Variants in CBX6 observed in about 807,000 individuals in gnomAD.
CBX6 encodes chromobox protein homolog 6.
In CBX6, 7 loss-of-function variants were observed where a neutral mutation model predicts 28.4. The ratio of observed to expected loss-of-function variants is 0.25; its 90% CI spans 0.14 to 0.46. The LOEUF (loss-of-function observed/expected upper bound fraction) is 0.46. Among genes scored for constraint, CBX6 ranks in the 20% least tolerant of loss-of-function variants. The pLI is 0.99. For synonymous variants in CBX6, 297 were observed against 273.4 expected (o/e 1.09, Z -0.85); for missense variants, 512 against 606.1 (o/e 0.84, Z 1.63).
chr22:38,867,860 C>T lies in CBX6; in HGVS notation c.247-659G>A, dbSNP rs545337883. ...GTGCCTGGCTCAGAGTGAACTGGTACCAATGCATCCCAAAGCCTGGGCTGG... is the reference window on the plus strand; with the variant it reads ...GTGCCTGGCTCAGAGTGAACTGGTATCAATGCATCCCAAAGCCTGGGCTGG... On this transcript the variant is annotated intron_variant, in intron 4 of 4. Transcript: ENST00000407418. Among the ~76,000 whole-genome samples, 3 of 152,374 alleles carry T rather than the reference C, an allele frequency of 2.0e-5. No homozygotes were observed. The East Asian group carries it at 5.8e-4, about 29-fold the overall frequency.
intron 4 of CBX6, 24 bp from the exon 5 acceptor site, chr22:38,867,225 T>TG: frequency 2.3e-6 from 1 of 441,606 alleles, no homozygotes; most frequent in Non-Finnish European, 4.3e-6. Context: ...GAGGGGTGGG[T>TG]GGGACCTCAG....
Position 38,866,209 on chromosome 22 carries a change from T to C in CBX6, c.1239A>G (p.Ter413TrpextTer112). Residue 413 changes from the stop codon to tryptophan (W), a stop_lost, in exon 5 of 5, where the codon TGA becomes TGG. Transcript: ENST00000407418. This position sits in a 1 kb window ranked among gnomAD's most constrained non-coding sequence, Gnocchi z 7.5. ...AGCCCCCCTCCTTGGTGGAGCCCCC[T>C]CACTTGCTCGCCCCAATGCTGCCAC... ...GGGGSIGASK[*>W] 10 of 1,573,880 alleles carry C rather than the reference T, an allele frequency of 6.4e-6. No homozygotes were observed. The highest frequency in any genetic ancestry group is 1.7e-5 in the Admixed American group (1 of 58,434).
chr22:38,867,197 C>T lies in CBX6; in HGVS notation c.251G>A (p.Arg84Gln). 3 of 1,094,920 alleles carry T rather than the reference C, an allele frequency of 2.7e-6. No individual in the cohort carries two copies. Among genetic ancestry groups the T allele is most frequent in the Non-Finnish European group, 3.7e-6 (3 of 815,438 alleles). 67.8% of individuals were successfully genotyped at this position (1,094,920 alleles called of 1,614,324 possible). The change falls in exon 5 of 5, where the codon CGG becomes CAG. Residue 84 changes from arginine to glutamine, a missense_variant. Coordinates refer to ENST00000407418, the MANE Select transcript of CBX6 (RefSeq NM_014292.5). ...GATGCGGAGGGCCTCGGCCTGGGCC[C>T]GCGCCTGCGGGCAGAGGGAGGGGTG... ...PKPKTFLLKARAQAEALRISD... is the reference protein window; with the variant it reads ...PKPKTFLLKAQAQAEALRISD...
In CBX6 at chr22:38,866,222, C is replaced by G. The variant is rs779479532; in HGVS notation, c.1226G>C (p.Gly409Ala). ...AGAAGGGGSI[G>A]ASK is the part of the protein sequence containing the mutation. ...GGTGGAGCCCCCTCACTTGCTCGCC[C>G]CAATGCTGCCACCGCCCCCAGCGGC... Residue 409 changes from glycine to alanine, a missense_variant, in exon 5 of 5, where the codon GGG becomes GCG. Physicochemically the swap from Gly to Ala is moderately conservative, Grantham distance 60 (BLOSUM62 0). Around this residue, in one of 7 missense-constraint regions of CBX6, gnomAD observed 33 missense variants for 35.3 expected, o/e 0.94. Transcript: ENST00000407418. The surrounding 1 kb of genome is among the most constrained non-coding windows in gnomAD (Gnocchi z 7.5). The G allele has an allele frequency of 2.5e-6, 4 of 1,609,202 alleles. No homozygotes were observed. In the African/African-American group the frequency reaches 5.3e-5, roughly 21 times the overall value.
chr22:38,871,592 C>T lies in CBX6; in HGVS notation c.180-46G>A. On this transcript the variant is annotated intron_variant, in intron 3 of 4. Coordinates refer to ENST00000407418, the MANE Select transcript of CBX6 (RefSeq NM_014292.5). The surrounding 1 kb of genome is among the most constrained non-coding windows in gnomAD (Gnocchi z 5.6). Reference sequence around the variant, plus strand: ...AGGTTAAAAAGAGCCCCTTCCCGGGCCCCACTCCGCGCTGCCCTCCCCGGC... The same window carrying T: ...AGGTTAAAAAGAGCCCCTTCCCGGGTCCCACTCCGCGCTGCCCTCCCCGGC... 6.8e-6 allele frequency: 11 copies of T among 1,612,350 alleles called. No homozygotes were observed. Among genetic ancestry groups the T allele is most frequent in the Non-Finnish European group, 9.3e-6 (11 of 1,178,742 alleles).
Position 38,866,749 on chromosome 22 carries a change from C to G in CBX6, c.699G>C (p.Ala233=). Reference sequence around the variant, plus strand: ...GGGGGGCGGGCGGAGGCTTGTACAGCGCAAAGGCGCCGAACTTCATGTGGC... The same window carrying G: ...GGGGGGCGGGCGGAGGCTTGTACAGGGCAAAGGCGCCGAACTTCATGTGGC... ...QIRHMKFGAF[A]LYKPPPAPLV... The change falls in exon 5 of 5, where the codon GCG becomes GCC. Residue 233 remains alanine (A), a synonymous_variant. Coordinates refer to ENST00000407418, the MANE Select transcript of CBX6 (RefSeq NM_014292.5). This position sits in a 1 kb window ranked among gnomAD's most constrained non-coding sequence, Gnocchi z 7.5. The G allele has an allele frequency of 6.2e-7, 1 of 1,609,166 alleles. No individual in the cohort carries two copies. Among genetic ancestry groups the G allele is most frequent in the Non-Finnish European group, 8.5e-7 (1 of 1,177,810 alleles).
Position 38,870,843 on chromosome 22 carries a change from T to C in CBX6, c.246+637A>G, listed in dbSNP as rs534273054. On this transcript the variant is annotated intron_variant, in intron 4 of 4. Transcript: ENST00000407418. This position sits in a 1 kb window ranked among gnomAD's most constrained non-coding sequence, Gnocchi z 4.3. ...CTTCCCTCCCTAGCAGAGACTAATA[T>C]GCTATGCTCTCACTCCCACATCCCC... 1.3e-4 allele frequency: 20 copies of C among 153,048 alleles called. No individual in the cohort carries two copies. In the South Asian group the frequency reaches 3.4e-3, roughly 26 times the overall value. The allele number at this position is 153,048 out of a possible 1,614,324, so 9.5% of individuals were successfully genotyped here. A position where few individuals can be genotyped will look rare whatever the true frequency, so the allele number is the denominator to read the frequency against.
intron 4 of CBX6, among the ~76,000 whole-genome samples, chr22:38,868,735 G>A (rs2093176012): frequency 6.6e-6 from 1 of 152,118 alleles, no homozygotes; most frequent in African/African-American, 2.4e-5. Flanking sequence ...CGGTTGGTCT[G>A]TGAGGTCCAT....
rs1430338119 is a variant in CBX6, at chr22:38,871,572, A to G, written c.180-26T>C. 1 of 1,613,496 alleles carries G rather than the reference A, an allele frequency of 6.2e-7. No individual in the cohort carries two copies. Among genetic ancestry groups the G allele is most frequent in the South Asian group, 1.1e-5 (1 of 91,074 alleles). On this transcript the variant is annotated intron_variant, in intron 3 of 4. Transcript: ENST00000407418. The surrounding 1 kb of genome is among the most constrained non-coding windows in gnomAD (Gnocchi z 5.6). The stretch of plus-strand genomic sequence containing the variant: ...CTGCGGCCGAAAAACACCAGAGGTT[A>G]AAAAGAGCCCCTTCCCGGGCCCCAC...
In CBX6 at chr22:38,867,091, G is replaced by T. The variant is rs377203169; in HGVS notation, c.357C>A (p.Leu119=). The T allele has an allele frequency of 1.9e-6, 3 of 1,598,874 alleles. No homozygotes were observed. ...KLHSSAAVHR[L]KKDIRRCHRM... is the part of the protein sequence containing the mutation. ...GGTGGCAGCGGCGGATGTCCTTCTT[G>T]AGCCGGTGCACGGCTGCGCTGGAGT... is the stretch of plus-strand genomic sequence containing the variant. Residue 119 remains leucine (L), a synonymous_variant, in exon 5 of 5, where the codon CTC becomes CTA. Transcript: ENST00000407418.
At position 38,866,175 on chromosome 22, in the gene CBX6, G is replaced by GC. The variant is rs745324903; in HGVS notation, c.*33dup. The GC allele has an allele frequency of 1.7e-4, 241 of 1,459,888 alleles. No individual in the cohort carries two copies. The highest frequency in any genetic ancestry group is 2.1e-4 in the Non-Finnish European group (226 of 1,065,602). 90.4% of individuals were successfully genotyped at this position (1,459,888 alleles called of 1,614,324 possible). ...CAAGAGTATGACTTCGGGCAGGAGG[G>GC]CCCCCCCAAGCCCCCCTCCTTGGTG... On this transcript the variant is annotated 3_prime_UTR_variant, in exon 5 of 5. Transcript: ENST00000407418. The surrounding 1 kb of genome is among the most constrained non-coding windows in gnomAD (Gnocchi z 7.5).
intron 4 of CBX6, among the ~76,000 whole-genome samples, chr22:38,869,299 G>A (rs2093177185): frequency 6.6e-6 from 1 of 152,296 alleles, no homozygotes; most frequent in Non-Finnish European, 1.5e-5. Context: ...TGGGGGAGGG[G>A]CAGAGTGTGG....
At position 38,866,501 on chromosome 22, in the gene CBX6, G is replaced by T; in HGVS notation, c.947C>A (p.Ser316Tyr). Reference protein sequence around the residue: ...SWREPEVLDLSLPPESAATSK... With the variant: ...SWREPEVLDLYLPPESAATSK... The stretch of plus-strand genomic sequence containing the variant: ...GGTGGCTGCCGACTCGGGAGGGAGG[G>T]ACAGGTCGAGCACCTCCGGCTCGCG... The change falls in exon 5 of 5, where the codon TCC becomes TAC. Residue 316 changes from serine (S) to tyrosine (Y), a missense_variant. Ser to Tyr is a moderately radical substitution (Grantham distance 144). Transcript: ENST00000407418. This position sits in a 1 kb window ranked among gnomAD's most constrained non-coding sequence, Gnocchi z 7.5. 6.3e-7 allele frequency: 1 copy of T among 1,590,454 alleles called. No homozygotes were observed.
chr22:38,867,895 C>T (rs117088444), intron 4 of CBX6, among the ~76,000 whole-genome samples: 12 of 152,354 alleles, frequency 7.9e-5, no homozygotes, highest in African/African-American at 1.7e-4. Flanking sequence ...GAACCCAACC[C>T]GGTCAGACGT....
At position 38,866,909 on chromosome 22, in the gene CBX6, A is replaced by C; in HGVS notation, c.539T>G (p.Val180Gly). Residue 180 changes from valine to glycine, a missense_variant, in exon 5 of 5, where the codon GTG (valine) becomes GGG (glycine). Transcript: ENST00000407418. This position sits in a 1 kb window ranked among gnomAD's most constrained non-coding sequence, Gnocchi z 7.5. ...KRNRIILNLKVIDKGAGGGGA... is the reference protein window; with the variant it reads ...KRNRIILNLKGIDKGAGGGGA... ...CCCGCCGCCAGCGCCCTTGTCGATCACCTTCAGGTTCAGGATGATGCGGTT... is the reference window on the plus strand; with the variant it reads ...CCCGCCGCCAGCGCCCTTGTCGATCCCCTTCAGGTTCAGGATGATGCGGTT... 6.3e-7 allele frequency: 1 copy of C among 1,598,998 alleles called. No homozygotes were observed. Among genetic ancestry groups the C allele is most frequent in the Non-Finnish European group, 8.5e-7 (1 of 1,174,062 alleles).
At position 38,871,499 on chromosome 22, in the gene CBX6, G is replaced by A; in HGVS notation, c.227C>T (p.Pro76Leu). The change falls in exon 4 of 5, where the codon CCC (proline) becomes CTC (leucine). Residue 76 changes from proline (P) to leucine (L), a missense_variant. This residue lies in a region of CBX6 where 123 missense variants were observed against 138.1 expected (regional missense o/e 0.89). Transcript: ENST00000407418. The surrounding 1 kb of genome is among the most constrained non-coding windows in gnomAD (Gnocchi z 5.6). ...LYGPKKRGPK[P>L]KTFLLKARAQ... Reference sequence around the variant, plus strand: ...GGTTACCTTCAGGAGGAAAGTTTTGGGTTTGGGTCCCCTCTTCTTGGGCCC... The same window carrying A: ...GGTTACCTTCAGGAGGAAAGTTTTGAGTTTGGGTCCCCTCTTCTTGGGCCC... 6.2e-7 allele frequency: 1 copy of A among 1,612,372 alleles called. No homozygotes were observed. The highest frequency in any genetic ancestry group is 8.5e-7 in the Non-Finnish European group (1 of 1,179,374).
rs543391504 is a variant in CBX6 at position 38,871,151 on chromosome 22, C to T, written c.246+329G>A. On this transcript the variant is annotated intron_variant, in intron 4 of 4. Transcript: ENST00000407418. This position sits in a 1 kb window ranked among gnomAD's most constrained non-coding sequence, Gnocchi z 5.6. ...GTTCCAACTCCCAGCACAGTCATAA[C>T]AGCTCAAACAAATGCCCCCTTCCCA... 1.9e-4 allele frequency: 79 copies of T among 419,398 alleles called. No homozygotes were observed. The South Asian group carries it at 1.9e-3, about 10-fold the overall frequency. The allele number at this position is 419,398 out of a possible 1,614,324, so 26.0% of individuals were successfully genotyped here. A position where few individuals can be genotyped will look rare whatever the true frequency, so the allele number is the denominator to read the frequency against.
At position 38,865,126 on chromosome 22, in the gene CBX6, C is replaced by T. The variant is rs561641729; in HGVS notation, c.*1083G>A. The T allele has an allele frequency of 2.6e-5, 4 of 152,442 alleles. No individual in the cohort carries two copies. The South Asian group carries it at 8.3e-4, about 32-fold the overall frequency. 9.4% of individuals were successfully genotyped at this position (152,442 alleles called of 1,614,324 possible). Reference sequence around the variant, plus strand: ...TGGATTCTTCAGCATCCTCCCCAAACACCCGGAGGAAGAGGGAGCTTGGAA... The same window carrying T: ...TGGATTCTTCAGCATCCTCCCCAAATACCCGGAGGAAGAGGGAGCTTGGAA... On this transcript the variant is annotated 3_prime_UTR_variant, in exon 5 of 5. Transcript: ENST00000407418.
chr22:38,867,227 G>GC, intron 4 of CBX6, 26 bp from the exon 5 acceptor site: 4 of 881,762 alleles, frequency 4.5e-6, no homozygotes, highest in Non-Finnish European at 5.0e-6. Flanking sequence ...GGGGTGGGTG[G>GC]GACCTCAGGA....
Sources: gnomAD v4.1 joint callset for allele counts (sites outside exome capture counted in the v4.1 genomes callset) on GRCh38, gnomAD v4.1.1 for gene constraint, gnomAD v4.1.1 regional missense constraint, Gnocchi (gnomAD v3.1) non-coding constraint, MANE v1.5 for transcripts, NCBI Gene and HGNC (gene_info 2026-07-23, HGNC 2026-07-21) for gene names.